Variants in RINT1 observed in about 807,000 individuals in gnomAD.
The protein encoded by RINT1 is RAD50-interacting protein 1.
A neutral mutation model predicts 97.7 loss-of-function variants in RINT1; 75 were observed. The observed-to-expected ratio is 0.77, with a 90% CI of 0.64 to 0.93. The LOEUF (loss-of-function observed/expected upper bound fraction) is 0.93, where lower values mean the gene tolerates loss of function less well. Ranked by LOEUF, RINT1 falls within the 40% of genes least tolerant of loss-of-function variation. RINT1 has a pLI of 0.00. For missense variants in RINT1, 892 were observed against 925.2 expected (o/e 0.96, Z 0.47); for synonymous variants, 303 against 326.3 (o/e 0.93, Z 0.77).
chr7:105,546,898 C>T lies in RINT1; in HGVS notation c.516-12C>T, dbSNP rs747239465. The T allele has an allele frequency of 6.3e-7, 1 of 1,577,476 alleles. No homozygotes were observed. The highest frequency in any genetic ancestry group is 8.6e-7 in the Non-Finnish European group (1 of 1,165,734). ...TCAAAAGAAAAAAAAATTTGCTTTA[C>T]TTTGTTTACAGTGATAACATTCAGC... On this transcript the variant is annotated splice_polypyrimidine_tract_variant and intron_variant, in intron 4 of 14. Transcript: ENST00000257700.
chr7:105,545,409 T>A (rs2133381797), intron 4 of RINT1, among the ~76,000 whole-genome samples: 1 of 150,714 alleles, frequency 6.6e-6, no homozygotes, highest in South Asian at 2.1e-4. Flanking sequence ...GCCGTGATTG[T>A]ACCACTGCAC....
chr7:105,553,659 T>C (rs1352661574), intron 10 of RINT1, among the ~76,000 whole-genome samples: 1 of 149,702 alleles, frequency 6.7e-6, no homozygotes, highest in African/African-American at 2.4e-5. Flanking sequence ...GTGATCCACC[T>C]GCCTCGGCCT....
chr7:105,565,550 C>G lies in RINT1; in HGVS notation c.2088C>G (p.Phe696Leu). 1.9e-6 allele frequency: 3 copies of G among 1,613,674 alleles called. No homozygotes were observed. Among genetic ancestry groups the G allele is most frequent in the Non-Finnish European group, 2.5e-6 (3 of 1,179,706 alleles). ...IYQEIILANH[F>L]NEGGAAQLQF... ...TTCAGATAATTCTTGCTAATCACTT[C>G]AATGAAGGAGGAGCAGCCCAGCTGC... Residue 696 changes from phenylalanine to leucine, a missense_variant, in exon 14 of 15, where the codon TTC becomes TTG. Transcript: ENST00000257700.
In RINT1 at chr7:105,567,234, G is replaced by A. The variant is rs1163685108; in HGVS notation, c.2302G>A (p.Gly768Arg). 1 of 1,613,436 alleles carries A rather than the reference G, an allele frequency of 6.2e-7. No individual in the cohort carries two copies. Among genetic ancestry groups the A allele is most frequent in the African/African-American group, 1.3e-5 (1 of 74,914 alleles). Residue 768 changes from glycine (G) to arginine (R), a missense_variant, in exon 15 of 15, where the codon GGA (glycine) becomes AGA (arginine). By Grantham distance (125) the Gly-to-Arg change is moderately radical (BLOSUM62 -2). Transcript: ENST00000257700. ...LPATAALNEV[G>R]IYKLAQQDVE... ...TGCCACAGCAGCATTAAATGAAGTT[G>A]GAATTTACAAACTGGCTCAACAAGA...
chr7:105,554,991 C>T (rs1184338530), intron 10 of RINT1, 37 bp from the exon 11 acceptor site: 1 of 1,556,314 alleles, frequency 6.4e-7, no homozygotes, highest in East Asian at 2.2e-5. Context: ...ATAGATGGTA[C>T]CAAAACCTTC....
At position 105,556,958 on chromosome 7, in the gene RINT1, AG is replaced by A. The variant is rs1292749444; in HGVS notation, c.1671+1734del. On this transcript the variant is annotated intron_variant, in intron 11 of 14. Transcript: ENST00000257700. ...GACCTTCAGAACTCCCTTCTTGAAC[AG>A]GGTGCCCTTAGGTTAAGAATCACTG... 1.1e-4 allele frequency among the ~76,000 whole-genome samples: 16 copies of A among 152,322 alleles called. No individual in the cohort carries two copies. The East Asian group carries it at 2.9e-3, about 28-fold the overall frequency.
rs1791375500 is a variant in RINT1, at chr7:105,560,148, G to A, written c.1672-3585G>A. ...GGCTCTGGACGTGTGGCCACAGGTG[G>A]TTCCAGGCTCACATGGTCCTTCTGC... On this transcript the variant is annotated intron_variant, in intron 11 of 14. Coordinates refer to ENST00000257700, the MANE Select transcript of RINT1 (RefSeq NM_021930.6). Among the ~76,000 whole-genome samples the A allele has an allele frequency of 2.0e-5, 3 of 152,204 alleles. No individual in the cohort carries two copies. In the South Asian group the frequency reaches 6.2e-4, roughly 31 times the overall value.
Position 105,536,637 on chromosome 7 carries a change from C to G in RINT1, c.161C>G (p.Ser54Cys). ...SEGTDNGDLP[S>C]YVSAFIEKEV... Reference sequence around the variant, plus strand: ...GGTACAGATAATGGTGATCTCCCTTCTTATGTGTCTGCATTCATAGAAAAG... The same window carrying G: ...GGTACAGATAATGGTGATCTCCCTTGTTATGTGTCTGCATTCATAGAAAAG... The change falls in exon 3 of 15, where the codon TCT becomes TGT. Residue 54 changes from serine to cysteine, a missense_variant. By Grantham distance (112) the Ser-to-Cys change is moderately radical (BLOSUM62 -1). Coordinates refer to ENST00000257700, the MANE Select transcript of RINT1 (RefSeq NM_021930.6). The G allele has an allele frequency of 6.2e-7, 1 of 1,612,250 alleles. No homozygotes were observed. Among genetic ancestry groups the G allele is most frequent in the African/African-American group, 1.3e-5 (1 of 74,958 alleles).
chr7:105,539,747 T>C (rs1790383381), intron 3 of RINT1, among the ~76,000 whole-genome samples: 1 of 152,214 alleles, frequency 6.6e-6, no homozygotes, highest in Non-Finnish European at 1.5e-5. Flanking sequence ...TCAGTCTTAC[T>C]TCAGACTTAC....
chr7:105,563,627 C>T lies in RINT1; in HGVS notation c.1672-106C>T, dbSNP rs138268815. 1.4e-3 allele frequency: 1,359 copies of T among 949,230 alleles called. 10 individuals carry two copies. In the African/African-American group the frequency reaches 0.019, roughly 13 times the overall value. The allele number at this position is 949,230 out of a possible 1,614,324, so 58.8% of individuals were successfully genotyped here. A position where few individuals can be genotyped will look rare whatever the true frequency, so the allele number is the denominator to read the frequency against. On this transcript the variant is annotated intron_variant, in intron 11 of 14. Transcript: ENST00000257700. Reference sequence around the variant, plus strand: ...GATTACAGGCATGAGCCACCGTGCCCGGTCGAATTATACACTTTAAATGGG... The same window carrying T: ...GATTACAGGCATGAGCCACCGTGCCTGGTCGAATTATACACTTTAAATGGG...
intron 14 of RINT1, among the ~76,000 whole-genome samples, chr7:105,565,995 C>T (rs993512657): frequency 3.3e-5 from 5 of 152,112 alleles, no homozygotes; most frequent in South Asian, 2.1e-4. Flanking sequence ...CAGGGCCGGG[C>T]GTGGTGGCTC....
intron 12 of RINT1, among the ~76,000 whole-genome samples, chr7:105,564,830 G>T (rs1022648036): frequency 2.6e-5 from 4 of 152,052 alleles, no homozygotes; most frequent in South Asian, 4.1e-4. Flanking sequence ...GCGAAACCCT[G>T]TCTCTACTAA....
chr7:105,532,229 C>G lies in RINT1; in HGVS notation c.-87C>G. 3 of 1,437,880 alleles carry G rather than the reference C, an allele frequency of 2.1e-6. No individual in the cohort carries two copies. The highest frequency in any genetic ancestry group is 2.8e-6 in the Non-Finnish European group (3 of 1,063,002). 89.1% of individuals were successfully genotyped at this position (1,437,880 alleles called of 1,614,324 possible). On this transcript the variant is annotated 5_prime_UTR_variant, in exon 1 of 15. Transcript: ENST00000257700. ...GCACTCAGTCCTACGGCCTCCGAGGCTGGGTAGTGAGTGTGTCGCTGGCCT... is the reference window on the plus strand; with the variant it reads ...GCACTCAGTCCTACGGCCTCCGAGGGTGGGTAGTGAGTGTGTCGCTGGCCT...
intron 4 of RINT1, among the ~76,000 whole-genome samples, chr7:105,544,443 A>C (rs1790578560): frequency 6.9e-6 from 1 of 145,266 alleles, no homozygotes; most frequent in Non-Finnish European, 1.5e-5. Context: ...TTTTCTTTTT[A>C]TTTTTTTTTG....
intron 11 of RINT1, among the ~76,000 whole-genome samples, chr7:105,555,516 G>A (rs1475521291): frequency 6.6e-6 from 1 of 152,102 alleles, no homozygotes; most frequent in Non-Finnish European, 1.5e-5. Flanking sequence ...TATGGTAATT[G>A]CAATCACAGG....
chr7:105,558,911 C>T (rs1434101548), intron 11 of RINT1, among the ~76,000 whole-genome samples: 1 of 151,612 alleles, frequency 6.6e-6, no homozygotes. Context: ...AGTGAGCCTT[C>T]ATCACACTAC....
Position 105,551,846 on chromosome 7 carries a change from G to C in RINT1, c.1471+139G>C, listed in dbSNP as rs560104688. 4.9e-5 allele frequency: 29 copies of C among 591,250 alleles called. No homozygotes were observed. The African/African-American group carries it at 5.2e-4, about 11-fold the overall frequency. 36.6% of individuals were successfully genotyped at this position (591,250 alleles called of 1,614,324 possible). On this transcript the variant is annotated intron_variant, in intron 10 of 14. Transcript: ENST00000257700. The stretch of plus-strand genomic sequence containing the variant: ...TTTGAGAGGCTGAGACGGGCAGGTT[G>C]CTTGAGCCCAGGAGTTCGAGAACAG...
chr7:105,562,520 A>G (rs567197690), intron 11 of RINT1, among the ~76,000 whole-genome samples: 5 of 152,306 alleles, frequency 3.3e-5, no homozygotes, highest in African/African-American at 1.2e-4. Context: ...CTAGCCTTTC[A>G]AACTGTTAAA....
intron 11 of RINT1, among the ~76,000 whole-genome samples, chr7:105,561,100 G>GAAA (rs77538953): frequency 7.4e-6 from 1 of 134,604 alleles, no homozygotes; most frequent in Admixed American, 7.5e-5. Context: ...GAGTTTTAGA[G>GAAA]AAAAAAAAAA....
Sources: gnomAD v4.1 joint callset for allele counts (sites outside exome capture counted in the v4.1 genomes callset) on GRCh38, gnomAD v4.1.1 for gene constraint, MANE v1.5 for transcripts, NCBI Gene and HGNC (gene_info 2026-07-23, HGNC 2026-07-21) for gene names.